The following DLG5 variants were observed in gnomAD, a reference collection of about 807,000 sequenced individuals.
DLG5 encodes the protein disks large homolog 5.
In DLG5, 48 loss-of-function variants were observed where a neutral mutation model predicts 189.8. That is an observed-to-expected ratio of 0.25 (90% CI 0.20 to 0.32). DLG5 has a LOEUF of 0.32. DLG5 is among the 10% of genes least tolerant of loss of function. DLG5 has a pLI of 1.00. For synonymous variants in DLG5, 1,016 were observed against 1,054.1 expected (o/e 0.96, Z 0.70); for missense variants, 2,160 against 2,544.7 (o/e 0.85, Z 3.25).
At chr10:77,842,277 C>T in intron 6 of DLG5, 84 bp from the exon 7 acceptor site, 1 of 1,500,070 alleles carries the variant, frequency 6.7e-7, no homozygotes, top group Admixed American at 1.8e-5. Flanking sequence ...CCCGCCAGCT[C>T]TACTGTGCTG....
chr10:77,914,066 A>G (rs1199002033), intron 1 of DLG5, among the ~76,000 whole-genome samples: 2 of 152,238 alleles, frequency 1.3e-5, no homozygotes, highest in African/African-American at 4.8e-5. Context: ...GAAAATGAGC[A>G]GCATCTAAGT....
intron 1 of DLG5, among the ~76,000 whole-genome samples, chr10:77,903,810 G>C (rs1452628088): frequency 6.6e-6 from 1 of 152,126 alleles, no homozygotes; most frequent in African/African-American, 2.4e-5. Flanking sequence ...AAGTATTTTG[G>C]ATAAGGGATA....
At chr10:77,909,201 A>T (rs540832679) in intron 1 of DLG5, among the ~76,000 whole-genome samples, 1 of 152,296 alleles carries the variant, frequency 6.6e-6, no homozygotes, top group African/African-American at 2.4e-5. Context: ...CAAGGAGAAG[A>T]CACTGTGACC....
rs756400216 is a variant in DLG5 at position 77,819,400 on chromosome 10, T to C, written c.3592A>G (p.Thr1198Ala). ...VSSILRNPIYTVRSHRVGPCS... is the reference protein window; with the variant it reads ...VSSILRNPIYAVRSHRVGPCS... ...GGGCCGACCCTGTGACTGCGCACAG[T>C]GTAGATGGGGTTCCGCAGGATGGAG... is the stretch of plus-strand genomic sequence containing the variant. The change falls in exon 17 of 32, where the codon ACT (threonine) becomes GCT (alanine). Residue 1198 changes from threonine to alanine, a missense_variant. By Grantham distance (58) the Thr-to-Ala change is moderately conservative. This residue lies in a region of DLG5 where 754 missense variants were observed against 746.5 expected (regional missense o/e 1.01). Coordinates refer to ENST00000372391, the MANE Select transcript of DLG5 (RefSeq NM_004747.4). The C allele has an allele frequency of 1.7e-5, 27 of 1,613,712 alleles. No individual in the cohort carries two copies. In the Admixed American group the frequency reaches 2.8e-4, roughly 17 times the overall value.
At chr10:77,827,868 T>C (rs1268838709) in intron 13 of DLG5, among the ~76,000 whole-genome samples, 1 of 152,176 alleles carries the variant, frequency 6.6e-6, no homozygotes, top group Non-Finnish European at 1.5e-5. Flanking sequence ...CCAAGAAATC[T>C]ATCTAGGTAT....
At chr10:77,885,385 A>C (rs1454601134) in intron 1 of DLG5, among the ~76,000 whole-genome samples, 2 of 152,268 alleles carry the variant, frequency 1.3e-5, no homozygotes, top group African/African-American at 4.8e-5. Flanking sequence ...GAAGGATTTC[A>C]AATGCATAAA....
intron 1 of DLG5, among the ~76,000 whole-genome samples, chr10:77,897,580 T>C (rs973178380): frequency 2.7e-4 from 41 of 151,360 alleles, no homozygotes; most frequent in Middle Eastern, 6.8e-3. Flanking sequence ...GCCCAGCACT[T>C]TGGGAGACCG....
At chr10:77,910,237 G>T (rs924372060) in intron 1 of DLG5, among the ~76,000 whole-genome samples, 1 of 152,200 alleles carries the variant, frequency 6.6e-6, no homozygotes, top group Non-Finnish European at 1.5e-5. Context: ...CTGCAGTACC[G>T]AGTAAAGGTA....
chr10:77,829,021 C>A, intron 12 of DLG5, 36 bp from the exon 13 acceptor site: 1 of 1,598,614 alleles, frequency 6.3e-7, no homozygotes, highest in Non-Finnish European at 8.6e-7. Context: ...TAGCCCCTGG[C>A]CTCGCTGCCC....
In DLG5 at chr10:77,809,691, G is replaced by A. The variant is rs142321346; in HGVS notation, c.4503C>T (p.Arg1501=). The A allele has an allele frequency of 9.0e-5, 146 of 1,613,952 alleles. No homozygotes were observed. Among genetic ancestry groups the A allele is most frequent in the Non-Finnish European group, 1.1e-4 (132 of 1,179,994 alleles). The part of the protein sequence containing the change: ...GDANKKTLEP[R]VVFIKKSQLE... The stretch of plus-strand genomic sequence containing the variant: ...GCTGGGACTTTTTGATGAAGACAAC[G>A]CGTGGCTCCAGGGTCTTCTTGTTGG... The change falls in exon 24 of 32, where the codon CGC becomes CGT. Residue 1501 remains arginine (R), a synonymous_variant. Coordinates refer to ENST00000372391, the MANE Select transcript of DLG5 (RefSeq NM_004747.4).
At chr10:77,883,407 A>G (rs1282621327) in intron 1 of DLG5, among the ~76,000 whole-genome samples, 4 of 152,214 alleles carry the variant, frequency 2.6e-5, no homozygotes, top group African/African-American at 4.8e-5. Context: ...GGTAGAATGC[A>G]CTAAAGAAAA....
Position 77,926,588 on chromosome 10 carries a change from G to A in DLG5, c.-68C>T, listed in dbSNP as rs547725358. 26 of 1,160,202 alleles carry A rather than the reference G, an allele frequency of 2.2e-5. No individual in the cohort carries two copies. The African/African-American group carries it at 3.6e-4, about 16-fold the overall frequency. 71.9% of individuals were successfully genotyped at this position (1,160,202 alleles called of 1,614,324 possible). ...GCCCCCCGAGGCCGGCGGGCGGGCA[G>A]GCGAGCACCTCGGCAGCAGCCCTAG... On this transcript the variant is annotated 5_prime_UTR_variant, in exon 1 of 32. Transcript: ENST00000372391. This position sits in a 1 kb window ranked among gnomAD's most constrained non-coding sequence, Gnocchi z 5.2.
intron 6 of DLG5, 59 bp from the exon 7 acceptor site, chr10:77,842,252 G>T: frequency 6.5e-7 from 1 of 1,549,500 alleles, no homozygotes; most frequent in South Asian, 1.2e-5. Context: ...TCAGTGGCCG[G>T]CTGCGCTGCT....
rs1442874556 is a variant in DLG5 at position 77,821,738 on chromosome 10, G to A, written c.2746C>T (p.Leu916=). 6.2e-7 allele frequency: 1 copy of A among 1,609,896 alleles called. No individual in the cohort carries two copies. The highest frequency in any genetic ancestry group is 8.5e-7 in the Non-Finnish European group (1 of 1,178,702). Residue 916 remains leucine (L), a synonymous_variant, in exon 15 of 32, where the codon CTG becomes TTG. Coordinates refer to ENST00000372391, the MANE Select transcript of DLG5 (RefSeq NM_004747.4). ...CCCACCTCGGTCTCAAAGGGCAGCA[G>A]TGGCCGCCGGCCACGCACGTCCACC... ...GLVDVRGRRP[L]LPFETEVGPC... is the part of the protein sequence containing the mutation.
intron 5 of DLG5, among the ~76,000 whole-genome samples, chr10:77,849,998 A>C (rs1261994): frequency 0.25 from 38,699 of 152,134 alleles, 5,494 homozygotes; most frequent in Admixed American, 0.39. Flanking sequence ...CTGTACCCAG[A>C]CTGGATTTCT....
intron 27 of DLG5, among the ~76,000 whole-genome samples, chr10:77,800,492 G>T (rs1213752092): frequency 6.6e-6 from 1 of 151,984 alleles, no homozygotes. Context: ...CCCAGGCACG[G>T]GGCCGCCGCT....
intron 5 of DLG5, 61 bp downstream of exon 5, chr10:77,853,293 T>G: frequency 7.3e-7 from 1 of 1,377,180 alleles, no homozygotes; most frequent in Non-Finnish European, 9.6e-7. Context: ...AATACTATTC[T>G]CCATTAAAAG....
upstream of DLG5, chr10:77,926,788 G>A (rs1005345460): frequency 5.9e-6 from 1 of 168,542 alleles, no homozygotes; most frequent in African/African-American, 2.4e-5. The surrounding 1 kb of genome is among the most constrained non-coding windows in gnomAD (Gnocchi z 5.2). Flanking sequence ...AGGAGGAGAA[G>A]GAGGAGGCGG....
rs1202907554 is a variant in DLG5, at chr10:77,807,927, C to T, written c.4665G>A (p.Val1555=). Residue 1555 remains valine (V), a synonymous_variant, in exon 25 of 32, where the codon GTG becomes GTA. Coordinates refer to ENST00000372391, the MANE Select transcript of DLG5 (RefSeq NM_004747.4). ...AGACTTCCTCCACTGTCTTGTTCCG[C>T]ACGTCCAGGCTGCCATACTGCCAGG... ...DLILEYGSLD[V]RNKTVEEVYV... The T allele has an allele frequency of 1.1e-5, 18 of 1,614,090 alleles. No homozygotes were observed. The highest frequency in any genetic ancestry group is 1.5e-5 in the Non-Finnish European group (18 of 1,180,038).
Sources: gnomAD v4.1 joint callset for allele counts (sites outside exome capture counted in the v4.1 genomes callset) on GRCh38, gnomAD v4.1.1 for gene constraint, gnomAD v4.1.1 regional missense constraint, Gnocchi (gnomAD v3.1) non-coding constraint, MANE v1.5 for transcripts, NCBI Gene and HGNC (gene_info 2026-07-23, HGNC 2026-07-21) for gene names.